The following CHD7 variants were observed in gnomAD, a reference collection of about 807,000 sequenced individuals.
CHD7 encodes chromodomain helicase DNA binding protein 7.
CHD7 carries 24 observed loss-of-function variants against 307.3 expected under a neutral mutation model. That is an observed-to-expected ratio of 0.08 (90% CI 0.06 to 0.11). The LOEUF is 0.11. Among genes scored for constraint, CHD7 ranks in the 10% least tolerant of loss-of-function variants. The pLI is 1.00. For synonymous variants in CHD7, 1,363 were observed against 1,349.9 expected, an observed-to-expected ratio of 1.01 and a Z score of -0.21; for missense variants, 3,106 against 3,727.1, an observed-to-expected ratio of 0.83 and a Z score of 4.34.
Position 60,741,682 on chromosome 8 carries a change from G to C in CHD7, c.250G>C (p.Asp84His). ...TGAACAACAAAAGATGCATCTGATGGATCAGCCGAACAGAATGATGAGCAA... is the reference window on the plus strand; with the variant it reads ...TGAACAACAAAAGATGCATCTGATGCATCAGCCGAACAGAATGATGAGCAA... ...QYEQQKMHLM[D>H]QPNRMMSNTP... Residue 84 changes from aspartate (D) to histidine (H), a missense_variant, in exon 2 of 38, where the codon GAT (aspartate) becomes CAT (histidine). Asp to His is a moderately conservative substitution (Grantham distance 81). This residue lies in a region of CHD7 where 998 missense variants were observed against 1,004.5 expected (regional missense o/e 0.99). Coordinates refer to ENST00000423902, the MANE Select transcript of CHD7 (RefSeq NM_017780.4). 6.2e-7 allele frequency: 1 copy of C among 1,613,964 alleles called. No individual in the cohort carries two copies. Among genetic ancestry groups the C allele is most frequent in the African/African-American group, 1.3e-5 (1 of 75,046 alleles).
intron 1 of CHD7, among the ~76,000 whole-genome samples, chr8:60,714,150 C>T (rs1486103797): frequency 6.6e-6 from 1 of 151,868 alleles, no homozygotes; most frequent in Non-Finnish European, 1.5e-5. Flanking sequence ...GGAGCCCGCG[C>T]GAGGACATGA....
chr8:60,692,902 C>T (rs560012913), intron 1 of CHD7, among the ~76,000 whole-genome samples: 13 of 152,320 alleles, frequency 8.5e-5, no homozygotes, highest in East Asian at 1.9e-4. Flanking sequence ...CTAACTCCTA[C>T]GTCTGTATTC....
intron 2 of CHD7, among the ~76,000 whole-genome samples, chr8:60,746,740 A>G (rs914994415): frequency 6.6e-6 from 1 of 152,242 alleles, no homozygotes; most frequent in Non-Finnish European, 1.5e-5. Flanking sequence ...TTTATATTGA[A>G]AAGTCAACAA....
At chr8:60,842,829 G>A (rs1805031585) in intron 21 of CHD7, among the ~76,000 whole-genome samples, 1 of 152,146 alleles carries the variant, frequency 6.6e-6, no homozygotes, top group Admixed American at 6.5e-5. Flanking sequence ...AGCTCTTCTG[G>A]GACCTTGTCT....
chr8:60,786,651 G>A (rs937292751), intron 3 of CHD7, among the ~76,000 whole-genome samples: 4 of 152,188 alleles, frequency 2.6e-5, no homozygotes, highest in African/African-American at 9.7e-5. Flanking sequence ...TTCCTTGAAA[G>A]TCCTAAGTGG....
rs1241293217 is a variant in CHD7 at position 60,865,207 on chromosome 8, G to A, written c.8268G>A (p.Thr2756=). 3.7e-6 allele frequency: 6 copies of A among 1,610,528 alleles called. No homozygotes were observed. The highest frequency in any genetic ancestry group is 3.3e-5 in the South Asian group (3 of 90,260). Residue 2756 remains threonine, a synonymous_variant, in exon 38 of 38, where the codon ACG becomes ACA. Coordinates refer to ENST00000423902, the MANE Select transcript of CHD7 (RefSeq NM_017780.4). This position sits in a 1 kb window ranked among gnomAD's most constrained non-coding sequence, Gnocchi z 4.3. ...GCCTGTTTGCTGGAATGGACCTGAC[G>A]AGCCTTCAGAATCTCCAGAATCTCC... is the stretch of plus-strand genomic sequence containing the variant. ...VNSLFAGMDL[T]SLQNLQNLQS... is the part of the protein sequence containing the mutation.
intron 1 of CHD7, among the ~76,000 whole-genome samples, chr8:60,725,072 C>T (rs546300069): frequency 6.6e-6 from 1 of 152,158 alleles, no homozygotes; most frequent in Non-Finnish European, 1.5e-5. Flanking sequence ...ATTCATGTAC[C>T]TCCTTTATCC....
chr8:60,822,004 A>T lies in CHD7; in HGVS notation c.2836-20A>T, dbSNP rs1387659432. 6.2e-7 allele frequency: 1 copy of T among 1,613,690 alleles called. No homozygotes were observed. Among genetic ancestry groups the T allele is most frequent in the Non-Finnish European group, 8.5e-7 (1 of 1,179,734 alleles). The stretch of plus-strand genomic sequence containing the variant: ...TGGTCTTTGGGAAACCACTAATGGG[A>T]TTTACTATATTTGAAACAGGAGCGA... On this transcript the variant is annotated intron_variant, in intron 10 of 37. Transcript: ENST00000423902.
intron 2 of CHD7, among the ~76,000 whole-genome samples, chr8:60,759,978 T>C (rs555763174): frequency 6.6e-6 from 1 of 152,304 alleles, no homozygotes; most frequent in South Asian, 2.1e-4. Flanking sequence ...GCCAGGAAGC[T>C]CAGCTGTGGC....
chr8:60,687,769 T>C (rs1805984038), intron 1 of CHD7, among the ~76,000 whole-genome samples: 1 of 152,194 alleles, frequency 6.6e-6, no homozygotes, highest in East Asian at 1.9e-4. Context: ...TATCCCCATT[T>C]TACAGATGAG....
At position 60,742,786 on chromosome 8, in the gene CHD7, C is replaced by T; in HGVS notation, c.1354C>T (p.Pro452Ser). The change falls in exon 2 of 38, where the codon CCC (proline) becomes TCC (serine). Residue 452 changes from proline (P) to serine (S), a missense_variant. Physicochemically the swap from Pro to Ser is moderately conservative, Grantham distance 74 (BLOSUM62 -1). Transcript: ENST00000423902. Reference sequence around the variant, plus strand: ...GGGAATCGGACAGAGGAATATGGGCCCCAGAAACATGCAGCAGTCTCGTCC... The same window carrying T: ...GGGAATCGGACAGAGGAATATGGGCTCCAGAAACATGCAGCAGTCTCGTCC... ...AMGIGQRNMGPRNMQQSRPFI... is the reference protein window; with the variant it reads ...AMGIGQRNMGSRNMQQSRPFI... 1 of 1,614,008 alleles carries T rather than the reference C, an allele frequency of 6.2e-7. No homozygotes were observed. Among genetic ancestry groups the T allele is most frequent in the Non-Finnish European group, 8.5e-7 (1 of 1,179,898 alleles).
chr8:60,679,564 T>C, intron 1 of CHD7: 1 of 146,908 alleles, frequency 6.8e-6, no homozygotes, highest in Non-Finnish European at 1.5e-5. Flanking sequence ...GGAGGAAAAG[T>C]TGGGCTCCAA....
intron 4 of CHD7, among the ~76,000 whole-genome samples, chr8:60,795,792 C>T (rs1011576695): frequency 3.3e-5 from 5 of 152,198 alleles, no homozygotes; most frequent in African/African-American, 9.7e-5. Context: ...AGGACCCTTA[C>T]AAGTGACAGT....
At chr8:60,762,073 CA>C (rs1810236700) in intron 2 of CHD7, among the ~76,000 whole-genome samples, 1 of 152,190 alleles carries the variant, frequency 6.6e-6, no homozygotes, top group Admixed American at 6.5e-5. Context: ...ACCAGTCCTT[CA>C]CCAGACTCTT....
rs1330309910 is a variant in CHD7, at chr8:60,838,227, C to T, written c.4505C>T (p.Ser1502Leu). ...LRRTHTITIE[S>L]EGKGSTFAKA... ...CGAACCCACACCATTACCATTGAGTCAGAAGGGAAAGGTTCCACATTTGCT... is the reference window on the plus strand; with the variant it reads ...CGAACCCACACCATTACCATTGAGTTAGAAGGGAAAGGTTCCACATTTGCT... The change falls in exon 19 of 38, where the codon TCA becomes TTA. Residue 1502 changes from serine to leucine, a missense_variant. Physicochemically the swap from Ser to Leu is moderately radical, Grantham distance 145. This residue lies in a region of CHD7 where 93 missense variants were observed against 176.4 expected (regional missense o/e 0.53). Coordinates refer to ENST00000423902, the MANE Select transcript of CHD7 (RefSeq NM_017780.4). 1.2e-6 allele frequency: 2 copies of T among 1,604,558 alleles called. No homozygotes were observed. Among genetic ancestry groups the T allele is most frequent in the Admixed American group, 3.4e-5 (2 of 58,628 alleles).
At chr8:60,721,295 AAG>A (rs1426559780) in intron 1 of CHD7, among the ~76,000 whole-genome samples, 2 of 152,194 alleles carry the variant, frequency 1.3e-5, no homozygotes, top group Non-Finnish European at 2.9e-5. Context: ...CGAAGAGGAA[AAG>A]AGAGAGCTGG....
chr8:60,697,411 C>T (rs187042613), intron 1 of CHD7, among the ~76,000 whole-genome samples: 43 of 152,232 alleles, frequency 2.8e-4, no homozygotes, highest in African/African-American at 9.4e-4. Flanking sequence ...TTAATTTACC[C>T]TCAAACATTA....
At chr8:60,822,887 A>G (rs1288815921) in intron 12 of CHD7, 141 bp downstream of exon 12, 2 of 607,194 alleles carry the variant, frequency 3.3e-6, no homozygotes, top group Non-Finnish European at 5.4e-6. Context: ...CTCAATTTAC[A>G]TTTGTATTAT....
At chr8:60,857,375 G>A (rs1480503356) in intron 34 of CHD7, among the ~76,000 whole-genome samples, 2 of 152,176 alleles carry the variant, frequency 1.3e-5, no homozygotes, top group Non-Finnish European at 2.9e-5. Flanking sequence ...GGTTTGAATA[G>A]AATGTGTGAA....
Sources: allele counts gnomAD v4.1 joint callset (sites outside exome capture counted in the v4.1 genomes callset), GRCh38; gene constraint gnomAD v4.1.1; regional missense constraint gnomAD v4.1.1; non-coding constraint Gnocchi (gnomAD v3.1); transcripts MANE v1.5; gene names NCBI Gene and HGNC (gene_info 2026-07-23, HGNC 2026-07-21).